PLAGL1: variants seen among roughly 807,000 people sequenced by gnomAD.
PLAGL1 encodes the protein zinc finger protein PLAGL1.
PLAGL1 carries 1 observed loss-of-function variant against 4.6 expected under a neutral mutation model. That is an observed-to-expected ratio of 0.22 (90% CI 0.08 to 1.03). The LOEUF is 1.03. PLAGL1 is among the 50% of genes least tolerant of loss of function. The pLI is 0.58. For synonymous variants in PLAGL1, 240 were observed against 237.8 expected (o/e 1.01, Z -0.08); for missense variants, 464 against 570.4 (o/e 0.81, Z 1.90).
At chr6:144,008,738 C>G (rs1207518817), upstream of PLAGL1, 1 of 152,304 alleles carries the variant, frequency 6.6e-6, no homozygotes. The surrounding 1 kb of genome is among the most constrained non-coding windows in gnomAD (Gnocchi z 6.9). Context: ...AACTTACCTC[C>G]TGTGCCAGCA....
At chr6:144,012,944 T>C (rs1795290466), upstream of PLAGL1, among the ~76,000 whole-genome samples, 1 of 152,230 alleles carries the variant, frequency 6.6e-6, no homozygotes, top group South Asian at 2.1e-4. The surrounding 1 kb of genome is among the most constrained non-coding windows in gnomAD (Gnocchi z 4.8). Flanking sequence ...TTGCCACATC[T>C]GCATAATTTT....
intron 1 of PLAGL1, among the ~76,000 whole-genome samples, chr6:144,043,215 AATTG>A (rs1797873118): frequency 6.6e-6 from 1 of 152,194 alleles, no homozygotes; most frequent in African/African-American, 2.4e-5. Flanking sequence ...CACTATGTTG[AATTG>A]AAGTGGTGAG....
rs566608449 is a variant in PLAGL1 at position 144,029,644 on chromosome 6, T to C, written c.-151+34824A>G. Among the ~76,000 whole-genome samples the C allele has an allele frequency of 1.2e-3, 181 of 152,346 alleles. 1 individual carries two copies. The highest frequency in any genetic ancestry group is 4.0e-3 in the African/African-American group (166 of 41,592). On this transcript the variant is annotated intron_variant, in intron 1 of 3. Transcript: ENST00000437412. ...GATTCAAAAATCTTAACACATACTA[T>C]GCTGTCAAGCATTTGGAGAAAGGCA...
chr6:144,024,809 T>A, intron 1 of PLAGL1, among the ~76,000 whole-genome samples: 1 of 152,300 alleles, frequency 6.6e-6, no homozygotes, highest in African/African-American at 2.4e-5. Context: ...AAATAATTCA[T>A]GTAGTATTGA....
At position 143,941,594 on chromosome 6, in the gene PLAGL1, C is replaced by T. The variant is rs754192424; in HGVS notation, c.1222G>A (p.Gly408Arg). 17 of 1,610,454 alleles carry T rather than the reference C, an allele frequency of 1.1e-5. No homozygotes were observed. In the African/African-American group the frequency reaches 2.1e-4, roughly 20 times the overall value. The part of the protein sequence containing the change: ...FGNSTLALGP[G>R]ESLPHRLSCL... ...CTTAACCTGTGGGGCAAAGATTCCCCAGGCCCCAGGGCAAGAGTGCTATTC... is the reference window on the plus strand; with the variant it reads ...CTTAACCTGTGGGGCAAAGATTCCCTAGGCCCCAGGGCAAGAGTGCTATTC... Residue 408 changes from glycine to arginine, a missense_variant, in exon 8 of 8, where the codon GGG (glycine) becomes AGG (arginine). Coordinates refer to ENST00000674357, the MANE Select transcript of PLAGL1 (RefSeq NM_001317162.2). The surrounding 1 kb of genome is among the most constrained non-coding windows in gnomAD (Gnocchi z 6.0).
At position 143,941,208 on chromosome 6, in the gene PLAGL1, A is replaced by C. The variant is rs1232914992; in HGVS notation, c.*216T>G. 1 of 412,144 alleles carries C rather than the reference A, an allele frequency of 2.4e-6. No individual in the cohort carries two copies. Among genetic ancestry groups the C allele is most frequent in the African/African-American group, 2.0e-5 (1 of 49,000 alleles). The allele number at this position is 412,144 out of a possible 1,614,324, so 25.5% of individuals were successfully genotyped here. A position where few individuals can be genotyped will look rare whatever the true frequency, so the allele number is the denominator to read the frequency against. ...ACAATATTTGCAGTTTGATTACAGA[A>C]CACGCGTTCATTAAATTTGGTACAA... On this transcript the variant is annotated 3_prime_UTR_variant, in exon 8 of 8. Coordinates refer to ENST00000674357, the MANE Select transcript of PLAGL1 (RefSeq NM_001317162.2). The surrounding 1 kb of genome is among the most constrained non-coding windows in gnomAD (Gnocchi z 6.0).
chr6:144,062,250 G>A (rs184356040), intron 1 of PLAGL1, among the ~76,000 whole-genome samples: 34 of 151,910 alleles, frequency 2.2e-4, no homozygotes, highest in African/African-American at 7.2e-4. Context: ...GGAGGCACGC[G>A]CCTGTAGTCC....
chr6:144,002,367 G>T (rs1793094685), intron 1 of PLAGL1, among the ~76,000 whole-genome samples: 2 of 152,082 alleles, frequency 1.3e-5, no homozygotes. Context: ...ATGAGGAAAA[G>T]GCAAGGATAT....
chr6:143,983,604 A>G lies in PLAGL1; in HGVS notation c.-544+1531T>C, dbSNP rs2128612418. 6.6e-6 allele frequency among the ~76,000 whole-genome samples: 1 copy of G among 152,262 alleles called. No homozygotes were observed. Among genetic ancestry groups the G allele is most frequent in the East Asian group, 1.9e-4 (1 of 5,182 alleles). On this transcript the variant is annotated intron_variant, in intron 2 of 7. Transcript: ENST00000674357. This position sits in a 1 kb window ranked among gnomAD's most constrained non-coding sequence, Gnocchi z 6.6. The stretch of plus-strand genomic sequence containing the variant: ...AATCAGCAAACAAAGGCACTGGGAT[A>G]TAGATGGCTAAGTACAACAAAGCAA...
chr6:144,056,127 T>C lies in PLAGL1; in HGVS notation c.-151+8341A>G. 6.6e-6 allele frequency among the ~76,000 whole-genome samples: 1 copy of C among 151,824 alleles called. No individual in the cohort carries two copies. Among genetic ancestry groups the C allele is most frequent in the South Asian group, 2.1e-4 (1 of 4,814 alleles). ...AAATCTAGACCTCCAAGGGATCAGT[T>C]TGAGAACCGCTGCTTTATATCTTTT... On this transcript the variant is annotated intron_variant, in intron 1 of 3. Coordinates refer to the PLAGL1 transcript ENST00000437412. The surrounding 1 kb of genome is among the most constrained non-coding windows in gnomAD (Gnocchi z 4.7).
intron 7 of PLAGL1, among the ~76,000 whole-genome samples, chr6:143,946,100 G>A (rs1371691332): frequency 1.3e-5 from 2 of 152,050 alleles, no homozygotes; most frequent in Non-Finnish European, 1.5e-5. Flanking sequence ...CAGGTCCTGC[G>A]GTCCACCCTG....
At chr6:143,998,303 T>C (rs73781352) in intron 1 of PLAGL1, among the ~76,000 whole-genome samples, 1 of 152,346 alleles carries the variant, frequency 6.6e-6, no homozygotes, top group African/African-American at 2.4e-5. Flanking sequence ...TGTTTTACCA[T>C]AAATGCTTCT....
At chr6:143,956,175 C>T (rs936383118) in intron 6 of PLAGL1, among the ~76,000 whole-genome samples, 1 of 152,208 alleles carries the variant, frequency 6.6e-6, no homozygotes, top group Admixed American at 6.5e-5. Context: ...CAGTGACTCA[C>T]GTGTTCAACC....
In PLAGL1 at chr6:144,027,103, G is replaced by T. The variant is rs1022607521; in HGVS notation, c.-151+37365C>A. Among the ~76,000 whole-genome samples the T allele has an allele frequency of 2.6e-5, 4 of 151,724 alleles. No individual in the cohort carries two copies. Among genetic ancestry groups the T allele is most frequent in the African/African-American group, 9.7e-5 (4 of 41,268 alleles). On this transcript the variant is annotated intron_variant, in intron 1 of 3. Transcript: ENST00000437412. The surrounding 1 kb of genome is among the most constrained non-coding windows in gnomAD (Gnocchi z 5.8). ...GTCAGCCGCGGTGGCATGCATCTGTGATCCCAGCTACTCAGGAGGCTGAGG... is the reference window on the plus strand; with the variant it reads ...GTCAGCCGCGGTGGCATGCATCTGTTATCCCAGCTACTCAGGAGGCTGAGG...
At chr6:143,986,221 A>G (rs1402259333) in intron 1 of PLAGL1, among the ~76,000 whole-genome samples, 1 of 151,890 alleles carries the variant, frequency 6.6e-6, no homozygotes, top group Non-Finnish European at 1.5e-5. Context: ...TGATGTCATC[A>G]TTCATTGCTA....
At position 144,061,932 on chromosome 6, in the gene PLAGL1, A is replaced by G. The variant is rs1300021319; in HGVS notation, c.-151+2536T>C. On this transcript the variant is annotated intron_variant, in intron 1 of 3. Coordinates refer to the PLAGL1 transcript ENST00000437412. The surrounding 1 kb of genome is among the most constrained non-coding windows in gnomAD (Gnocchi z 4.4). ...AAAGTGCATGCAATTAAAACAATGT[A>G]TCAATTATATTTACTATGAATGTAG... Among the ~76,000 whole-genome samples, 1 of 152,226 alleles carries G rather than the reference A, an allele frequency of 6.6e-6. No homozygotes were observed. Among genetic ancestry groups the G allele is most frequent in the Non-Finnish European group, 1.5e-5 (1 of 68,042 alleles).
rs1292906833 is a variant in PLAGL1, at chr6:143,968,644, C to G, written c.-472+263G>C. ...GCAATGATCGTTCTTAGCGTGTCCT[C>G]TTGAATTTTTAGAGTGAAAAACAGG... On this transcript the variant is annotated intron_variant, in intron 3 of 7. Transcript: ENST00000674357. The surrounding 1 kb of genome is among the most constrained non-coding windows in gnomAD (Gnocchi z 6.3). The G allele has an allele frequency of 1.3e-5, 2 of 152,322 alleles. No individual in the cohort carries two copies. Among genetic ancestry groups the G allele is most frequent in the East Asian group, 3.9e-4 (2 of 5,192 alleles). 9.4% of individuals were successfully genotyped at this position (152,322 alleles called of 1,614,324 possible).
rs980874310 is a variant in PLAGL1 at position 144,050,644 on chromosome 6, C to A, written c.-151+13824G>T. Among the ~76,000 whole-genome samples the A allele has an allele frequency of 6.6e-6, 1 of 152,224 alleles. No homozygotes were observed. Among genetic ancestry groups the A allele is most frequent in the Non-Finnish European group, 1.5e-5 (1 of 68,036 alleles). On this transcript the variant is annotated intron_variant, in intron 1 of 3. Transcript: ENST00000437412. The surrounding 1 kb of genome is among the most constrained non-coding windows in gnomAD (Gnocchi z 4.3). ...GTGGCTCATGTCTATAATCCCAGCA[C>A]TTTGGGAGGCCAAGGCAGGAGGATC...
At chr6:144,018,186 T>G (rs984924717) in intron 1 of PLAGL1, among the ~76,000 whole-genome samples, 1 of 152,242 alleles carries the variant, frequency 6.6e-6, no homozygotes, top group Non-Finnish European at 1.5e-5. Flanking sequence ...ATAGTCTATA[T>G]AGTCTCAAAA....
Sources: gnomAD v4.1 joint callset for allele counts (sites outside exome capture counted in the v4.1 genomes callset) on GRCh38, gnomAD v4.1.1 for gene constraint, Gnocchi (gnomAD v3.1) non-coding constraint, MANE v1.5 for transcripts, NCBI Gene and HGNC (gene_info 2026-07-23, HGNC 2026-07-21) for gene names.